Variants in QRICH2 observed in about 807,000 individuals in gnomAD.
The protein encoded by QRICH2 is glutamine rich 2, also known as glutamine-rich protein 2.
In QRICH2, 119 loss-of-function variants were observed where a neutral mutation model predicts 168.3. The ratio of observed to expected loss-of-function variants is 0.71; its 90% CI spans 0.61 to 0.82. The LOEUF is 0.82. QRICH2 is among the 40% of genes least tolerant of loss of function. The pLI is 0.00. For missense variants in QRICH2, 2,241 were observed against 2,491.6 expected (o/e 0.90, Z 2.14); for synonymous variants, 894 against 951.2 (o/e 0.94, Z 1.11).
At chr17:76,304,547 C>G in intron 2 of QRICH2, 22 bp from the exon 3 acceptor site, 1 of 1,504,488 alleles carries the variant, frequency 6.6e-7, no homozygotes, top group Non-Finnish European at 9.2e-7. Flanking sequence ...AGAAAAGACA[C>G]ACACATACAC....
intron 3 of QRICH2, among the ~76,000 whole-genome samples, chr17:76,299,440 A>T (rs888771049): frequency 1.3e-5 from 2 of 152,110 alleles, no homozygotes; most frequent in African/African-American, 2.4e-5. Context: ...GGCATCAGAA[A>T]GATGTTGCAA....
rs751616438 is a variant in QRICH2 at position 76,293,256 on chromosome 17, C to G, written c.1471G>C (p.Asp491His). ...CCTGATATTACACATCCACGCTGAT[C>G]CATGCCAAGTGGTTCCATACTGCGT... ...DQRSMEPLGM[D>H]QRGCVISGMG... Residue 491 changes from aspartate (D) to histidine (H), a missense_variant, in exon 4 of 19, where the codon GAT (aspartate) becomes CAT (histidine). This residue lies in a region of QRICH2 where 2,047 missense variants were observed against 2,303.8 expected (regional missense o/e 0.89). Coordinates refer to ENST00000680821, the MANE Select transcript of QRICH2 (RefSeq NM_001388453.1). The G allele has an allele frequency of 1.9e-6, 3 of 1,613,958 alleles. No individual in the cohort carries two copies. Among genetic ancestry groups the G allele is most frequent in the Middle Eastern group, 1.6e-4 (1 of 6,084 alleles).
chr17:76,289,296 C>G (rs886936608), intron 5 of QRICH2, among the ~76,000 whole-genome samples: 1 of 152,024 alleles, frequency 6.6e-6, no homozygotes, highest in Non-Finnish European at 1.5e-5. Flanking sequence ...AAGTGATCCT[C>G]CTGCCTCAGC....
Position 76,280,861 on chromosome 17 carries a change from C to T in QRICH2, c.4356G>A (p.Glu1452=). Residue 1452 remains glutamate (E), a synonymous_variant, in exon 9 of 19, where the codon GAG becomes GAA. Coordinates refer to ENST00000680821, the MANE Select transcript of QRICH2 (RefSeq NM_001388453.1). The surrounding 1 kb of genome is among the most constrained non-coding windows in gnomAD (Gnocchi z 7.4). Reference sequence around the variant, plus strand: ...TGTCCTTCTGTTTCTGCCGATGGTCCTCGATGAGGTTGCTGGTGGTGATGT... The same window carrying T: ...TGTCCTTCTGTTTCTGCCGATGGTCTTCGATGAGGTTGCTGGTGGTGATGT... The part of the protein sequence containing the change: ...KLNITTSNLI[E]DHRQKQKDIA... The T allele has an allele frequency of 6.2e-7, 1 of 1,613,850 alleles. No individual in the cohort carries two copies. Among genetic ancestry groups the T allele is most frequent in the African/African-American group, 1.3e-5 (1 of 75,034 alleles).
chr17:76,292,675 A>T lies in QRICH2; in HGVS notation c.2052T>A (p.Gly684=), dbSNP rs2071030951. ...GTTGGACCAAGCCAGGCTGATATGC[A>T]CCAGGCTGCACCAAAGCACGCTGAA... is the stretch of plus-strand genomic sequence containing the variant. The part of the protein sequence containing the change: ...GRFQRALVQP[G]AYQPGLVQPG... Residue 684 remains glycine, a synonymous_variant, in exon 4 of 19, where the codon GGT becomes GGA. Transcript: ENST00000680821. 4 of 1,613,980 alleles carry T rather than the reference A, an allele frequency of 2.5e-6. No individual in the cohort carries two copies. Among genetic ancestry groups the T allele is most frequent in the South Asian group, 1.1e-5 (1 of 91,080 alleles).
chr17:76,276,616 C>T, intron 17 of QRICH2, 64 bp downstream of exon 17: 1 of 1,275,858 alleles, frequency 7.8e-7, no homozygotes, highest in Non-Finnish European at 1.1e-6. Flanking sequence ...TGCCAGGCCC[C>T]ACAATGGATG....
At chr17:76,305,242 C>A (rs1348856579) in intron 1 of QRICH2, among the ~76,000 whole-genome samples, 1 of 150,194 alleles carries the variant, frequency 6.7e-6, no homozygotes, top group Non-Finnish European at 1.5e-5. Flanking sequence ...CAGCTCACTG[C>A]AGCCTCAACC....
chr17:76,275,922 G>T lies in QRICH2; in HGVS notation c.5379C>A (p.Ser1793=). The change falls in exon 18 of 19, where the codon TCC becomes TCA. Residue 1793 remains serine, a synonymous_variant. Transcript: ENST00000680821. ...KDSSGTSKRK[S]QQPRPHVHRP... The stretch of plus-strand genomic sequence containing the variant: ...TGTGCACGTGGGGCCTGGGCTGCTG[G>T]GACTTGCGCTTTGAGGTCCCTGAGC... 1 of 1,608,720 alleles carries T rather than the reference G, an allele frequency of 6.2e-7. No individual in the cohort carries two copies. The highest frequency in any genetic ancestry group is 8.5e-7 in the Non-Finnish European group (1 of 1,179,912).
At position 76,304,528 on chromosome 17, in the gene QRICH2, GAC is replaced by G; in HGVS notation, c.595-5_595-4del. The G allele has an allele frequency of 6.2e-7, 1 of 1,602,038 alleles. No homozygotes were observed. Among genetic ancestry groups the G allele is most frequent in the Middle Eastern group, 1.7e-4 (1 of 6,040 alleles). ...CTCAGCTTCCGGCTGACTAGTTCCT[GAC>G]AGTGACAGAAAAGACACACACATAC... On this transcript the variant is annotated splice_region_variant and splice_polypyrimidine_tract_variant and intron_variant, in intron 2 of 18. Transcript: ENST00000680821.
intron 3 of QRICH2, among the ~76,000 whole-genome samples, chr17:76,300,696 A>G (rs1170103920): frequency 6.6e-6 from 1 of 152,118 alleles, no homozygotes; most frequent in Non-Finnish European, 1.5e-5. Context: ...CAAGGCTGGC[A>G]GACTGCTCGA....
chr17:76,297,874 T>TTTTTTTTTTTTTTG lies in QRICH2; in HGVS notation c.706-3854_706-3853insCAAAAAAAAAAAAA, dbSNP rs2070825102. On this transcript the variant is annotated intron_variant, in intron 3 of 18. Coordinates refer to ENST00000680821, the MANE Select transcript of QRICH2 (RefSeq NM_001388453.1). ...GCTAGGACTACTTAGGAATCTGTTTTTTTTTTTTTTTTTTTTTTTTTTGAG... is the reference window on the plus strand; with the variant it reads ...GCTAGGACTACTTAGGAATCTGTTTTTTTTTTTTTTTTTGTTTTTTTTTTTTTTTTTTTTTTGAG... Among the ~76,000 whole-genome samples the TTTTTTTTTTTTTTG allele has an allele frequency of 8.3e-5, 5 of 60,396 alleles. No homozygotes were observed. The African/African-American group carries it at 1.2e-3, about 15-fold the overall frequency. 39.6% of individuals were successfully genotyped at this position (60,396 alleles called of 152,430 possible).
rs1214279405 is a variant in QRICH2, at chr17:76,307,263, C to T, written c.534+202G>A. Among the ~76,000 whole-genome samples, 1 of 152,082 alleles carries T rather than the reference C, an allele frequency of 6.6e-6. No individual in the cohort carries two copies. The highest frequency in any genetic ancestry group is 6.6e-5 in the Admixed American group (1 of 15,254). Reference sequence around the variant, plus strand: ...TGGTGGCGTTCTTTTAGGATTTTCACGTCTTGCAGCCCCGTGGACTGCAAG... The same window carrying T: ...TGGTGGCGTTCTTTTAGGATTTTCATGTCTTGCAGCCCCGTGGACTGCAAG... On this transcript the variant is annotated intron_variant, in intron 1 of 18. Transcript: ENST00000680821. This position sits in a 1 kb window ranked among gnomAD's most constrained non-coding sequence, Gnocchi z 5.3.
At chr17:76,308,434 C>A (rs2071024454), upstream of QRICH2, 2 of 985,412 alleles carry the variant, frequency 2.0e-6, no homozygotes, top group Non-Finnish European at 2.4e-6. Flanking sequence ...TAGACTCCAT[C>A]CATCCCCTTA....
At chr17:76,299,837 T>G (rs2070866678) in intron 3 of QRICH2, among the ~76,000 whole-genome samples, 1 of 151,950 alleles carries the variant, frequency 6.6e-6, no homozygotes. Context: ...CAAACCTTTT[T>G]TTTTTTTGAG....
At position 76,280,037 on chromosome 17, in the gene QRICH2, G is replaced by A. The variant is rs750903928; in HGVS notation, c.4744C>T (p.Arg1582Trp). ...LYQADEAAAM[R>W]RQLLAHFHCL... ...CCCCTGCCTCCCAGGCCTCACCTCC[G>A]CATGGCAGCCGCCTCGTCTGCCTGG... The change falls in exon 12 of 19, where the codon CGG (arginine) becomes TGG (tryptophan). Residue 1582 changes from arginine to tryptophan, a missense_variant. Physicochemically the swap from Arg to Trp is moderately radical, Grantham distance 101. Transcript: ENST00000680821. This position sits in a 1 kb window ranked among gnomAD's most constrained non-coding sequence, Gnocchi z 7.4. 91 of 1,609,362 alleles carry A rather than the reference G, an allele frequency of 5.7e-5. No homozygotes were observed. Among genetic ancestry groups the A allele is most frequent in the East Asian group, 1.1e-4 (5 of 44,820 alleles).
intron 12 of QRICH2, 46 bp downstream of exon 12, chr17:76,279,987 C>T: frequency 6.4e-7 from 1 of 1,555,254 alleles, no homozygotes; most frequent in Non-Finnish European, 8.7e-7. Flanking sequence ...CTGCCCTCAC[C>T]CCCTGAAGAG....
In QRICH2 at chr17:76,279,037, A is replaced by G; in HGVS notation, c.4916+4T>C. 1 of 1,612,426 alleles carries G rather than the reference A, an allele frequency of 6.2e-7. No homozygotes were observed. Among genetic ancestry groups the G allele is most frequent in the Non-Finnish European group, 8.5e-7 (1 of 1,178,946 alleles). ...TATGTCCCATATGCTGTCCCATAGC[A>G]TACTTGCGGCTATGCTGCCGGACCT... is the stretch of plus-strand genomic sequence containing the variant. On this transcript the variant is annotated splice_donor_region_variant and intron_variant, in intron 14 of 18. Transcript: ENST00000680821.
At position 76,291,247 on chromosome 17, in the gene QRICH2, G is replaced by A. The variant is rs770302277; in HGVS notation, c.3480C>T (p.Ser1160=). Residue 1160 remains serine, a synonymous_variant, in exon 4 of 19, where the codon TCC becomes TCT. Transcript: ENST00000680821. The part of the protein sequence containing the change: ...QDVTLFRSPD[S]VDRVLSEGSE... ...TCCCTTCTGATAAGACTCGGTCGAC[G>A]GAGTCTGGACTCCTGAAAAGAGTGA... The A allele has an allele frequency of 7.4e-6, 12 of 1,614,164 alleles. No individual in the cohort carries two copies. The highest frequency in any genetic ancestry group is 2.2e-5 in the South Asian group (2 of 91,084).
chr17:76,301,824 T>C (rs2070906454), intron 3 of QRICH2, among the ~76,000 whole-genome samples: 1 of 148,686 alleles, frequency 6.7e-6, no homozygotes, highest in South Asian at 2.2e-4. Context: ...TGCTTCAGCC[T>C]CCCAAGTAGC....
Sources: allele counts gnomAD v4.1 joint callset (sites outside exome capture counted in the v4.1 genomes callset), GRCh38; gene constraint gnomAD v4.1.1; regional missense constraint gnomAD v4.1.1; non-coding constraint Gnocchi (gnomAD v3.1); transcripts MANE v1.5; gene names NCBI Gene and HGNC (gene_info 2026-07-23, HGNC 2026-07-21).